The following DNAH11 variants were observed in gnomAD, a reference collection of about 807,000 sequenced individuals.
The protein encoded by DNAH11 is dynein axonemal heavy chain 11.
In DNAH11, 442 loss-of-function variants were observed where a neutral mutation model predicts 526.0. The ratio of observed to expected loss-of-function variants is 0.84; its 90% CI spans 0.78 to 0.91. DNAH11 has a LOEUF of 0.91. Among genes scored for constraint, DNAH11 ranks in the 40% least tolerant of loss-of-function variants. The pLI is 0.00. For missense variants in DNAH11, 6,989 were observed against 5,448.7 expected, an observed-to-expected ratio of 1.28 and a Z score of -8.90; for synonymous variants, 2,461 against 1,935.9, an observed-to-expected ratio of 1.27 and a Z score of -7.12.
Position 21,704,644 on chromosome 7 carries a change from G to A in DNAH11, c.6468+16G>A. The A allele has an allele frequency of 6.3e-7, 1 of 1,581,054 alleles. No homozygotes were observed. Among genetic ancestry groups the A allele is most frequent in the Non-Finnish European group, 8.5e-7 (1 of 1,170,250 alleles). On this transcript the variant is annotated intron_variant, in intron 38 of 81. Coordinates refer to ENST00000409508, the MANE Select transcript of DNAH11 (RefSeq NM_001277115.2). ...CATCCTCAAAGTAAAAGGAGCATTT[G>A]CTTTTCATGGCAGCTGTTGGGATTG...
intron 54 of DNAH11, among the ~76,000 whole-genome samples, chr7:21,762,827 T>C (rs1320078868): frequency 6.6e-6 from 1 of 152,112 alleles, no homozygotes; most frequent in African/African-American, 2.4e-5. Flanking sequence ...TTCTTTGACA[T>C]GACACCAAAA....
At position 21,726,999 on chromosome 7, in the gene DNAH11, T is replaced by C. The variant is rs1289790711; in HGVS notation, c.7440+1015T>C. Among the ~76,000 whole-genome samples the C allele has an allele frequency of 1.5e-4, 17 of 112,712 alleles. 1 individual carries two copies. In the East Asian group the frequency reaches 5.0e-3, roughly 33 times the overall value. 73.9% of individuals were successfully genotyped at this position (112,712 alleles called of 152,430 possible). Reference sequence around the variant, plus strand: ...CCCAGGCTGGAGTGCAGTGGCGCGATCTCGGCTCACCGCAAGATCCACCTC... The same window carrying C: ...CCCAGGCTGGAGTGCAGTGGCGCGACCTCGGCTCACCGCAAGATCCACCTC... On this transcript the variant is annotated intron_variant, in intron 45 of 81. Coordinates refer to ENST00000409508, the MANE Select transcript of DNAH11 (RefSeq NM_001277115.2).
At chr7:21,791,881 T>C (rs1377353372) in intron 61 of DNAH11, among the ~76,000 whole-genome samples, 1 of 152,198 alleles carries the variant, frequency 6.6e-6, no homozygotes, top group Non-Finnish European at 1.5e-5. Context: ...CACATTGCTA[T>C]AAAGAAATAC....
chr7:21,545,274 T>TAAGAAAA (rs1782764073), intron 2 of DNAH11, 125 bp downstream of exon 2: 1 of 120,222 alleles, frequency 8.3e-6, no homozygotes, highest in Non-Finnish European at 1.4e-5. Flanking sequence ...TGGGGGTGGT[T>TAAGAAAA]AAAAAAAAAA....
intron 28 of DNAH11, among the ~76,000 whole-genome samples, chr7:21,640,518 T>TTTTTTTTTTTTTTTTTGAG (rs1787079612): frequency 1.3e-5 from 2 of 151,558 alleles, no homozygotes; most frequent in African/African-American, 4.9e-5. Context: ...CTTTTTCTTT[T>TTTTTTTTTTTTTTTTTGAG]AATCATATTA....
chr7:21,831,760 G>A (rs561096379), intron 65 of DNAH11, among the ~76,000 whole-genome samples: 1 of 152,168 alleles, frequency 6.6e-6, no homozygotes, highest in Non-Finnish European at 1.5e-5. Context: ...TCTTACGGAG[G>A]TTAACTCAGA....
chr7:21,873,344 A>G lies in DNAH11; in HGVS notation c.12038A>G (p.His4013Arg). 3 of 1,613,294 alleles carry G rather than the reference A, an allele frequency of 1.9e-6. No homozygotes were observed. The highest frequency in any genetic ancestry group is 2.5e-6 in the Non-Finnish European group (3 of 1,179,580). ...KLLERFSQGS[H>R]RDYRVFMSAE... is the part of the protein sequence containing the mutation. ...CTTGAAAGATTCAGCCAAGGAAGCC[A>G]CAGAGATTACAGGGTTTTCATGAGT... The change falls in exon 74 of 82, where the codon CAC (histidine) becomes CGC (arginine). Residue 4013 changes from histidine to arginine, a missense_variant. Transcript: ENST00000409508.
At chr7:21,824,383 A>G (rs1790185549) in intron 65 of DNAH11, among the ~76,000 whole-genome samples, 2 of 152,310 alleles carry the variant, frequency 1.3e-5, no homozygotes, top group African/African-American at 2.4e-5. Context: ...TATCAGTTCC[A>G]TAAAGTCTAA....
At chr7:21,570,523 C>T (rs1783845633) in intron 7 of DNAH11, 1 of 411,896 alleles carries the variant, frequency 2.4e-6, no homozygotes, top group African/African-American at 2.1e-5. Context: ...TCCATTATTA[C>T]ATTGAGTATA....
intron 42 of DNAH11, among the ~76,000 whole-genome samples, chr7:21,717,556 G>C (rs1184957768): frequency 6.6e-6 from 1 of 152,064 alleles, no homozygotes; most frequent in African/African-American, 2.4e-5. Context: ...GCTATTAGGA[G>C]TTTCTTTTAC....
At position 21,683,964 on chromosome 7, in the gene DNAH11, G is replaced by T. The variant is rs372643687; in HGVS notation, c.5621+20G>T. ...TGACAGGTAACAATTCAAAGTTTCC[G>T]TCCAGATAGGAAAAACAACCCAAAA... is the stretch of plus-strand genomic sequence containing the variant. On this transcript the variant is annotated intron_variant, in intron 32 of 81. Coordinates refer to ENST00000409508, the MANE Select transcript of DNAH11 (RefSeq NM_001277115.2). 1 of 1,609,806 alleles carries T rather than the reference G, an allele frequency of 6.2e-7. No individual in the cohort carries two copies. Among genetic ancestry groups the T allele is most frequent in the African/African-American group, 1.3e-5 (1 of 74,702 alleles).
rs776116418 is a variant in DNAH11 at position 21,749,694 on chromosome 7, T to C, written c.8690T>C (p.Leu2897Ser). Residue 2897 changes from leucine to serine, a missense_variant, in exon 53 of 82, where the codon TTG (leucine) becomes TCG (serine). Transcript: ENST00000409508. ...IQELRVDLAN[L>S]YIRTGAKNMP... ...TCCTTACAGGTAGATCTTGCCAATT[T>C]GTACATCCGAACTGGAGCCAAGAAC... 6.2e-7 allele frequency: 1 copy of C among 1,613,946 alleles called. No individual in the cohort carries two copies. Among genetic ancestry groups the C allele is most frequent in the East Asian group, 2.2e-5 (1 of 44,868 alleles).
chr7:21,805,833 T>C (rs1789241210), intron 62 of DNAH11, among the ~76,000 whole-genome samples: 1 of 152,226 alleles, frequency 6.6e-6, no homozygotes, highest in Non-Finnish European at 1.5e-5. Flanking sequence ...TGTCAGATCT[T>C]TTTCTTTCAG....
intron 14 of DNAH11, 112 bp from the exon 15 acceptor site, chr7:21,599,675 T>C: frequency 1.3e-6 from 1 of 770,712 alleles, no homozygotes; most frequent in Non-Finnish European, 1.9e-6. Flanking sequence ...AATGTTCCTG[T>C]CTTGTGCACA....
chr7:21,652,874 A>T (rs1232976240), intron 28 of DNAH11, among the ~76,000 whole-genome samples: 2 of 151,776 alleles, frequency 1.3e-5, no homozygotes, highest in African/African-American at 4.8e-5. Flanking sequence ...TTTAATATTT[A>T]TTTATTTATT....
intron 61 of DNAH11, among the ~76,000 whole-genome samples, chr7:21,795,093 T>G (rs10270774): frequency 1.8e-4 from 27 of 151,908 alleles, no homozygotes; most frequent in Non-Finnish European, 3.4e-4. Flanking sequence ...GAAGCCAGAT[T>G]ACTTCCACTC....
chr7:21,742,214 T>A, intron 49 of DNAH11, 48 bp downstream of exon 49: 1 of 1,587,256 alleles, frequency 6.3e-7, no homozygotes. Context: ...GAAATAATGA[T>A]AATACTATGT....
intron 26 of DNAH11, 46 bp downstream of exon 26, chr7:21,636,141 A>C (rs1395757546): frequency 1.3e-6 from 2 of 1,481,550 alleles, no homozygotes; most frequent in Non-Finnish European, 1.8e-6. Flanking sequence ...AGTTTTGTAA[A>C]GTAACATGGT....
At position 21,600,677 on chromosome 7, in the gene DNAH11, A is replaced by G. The variant is rs1468087350; in HGVS notation, c.3002A>G (p.Asn1001Ser). ...GTGCTGTGTTTTCCTCTCATTTAGA[A>G]TGATATGGATAACATGTTAGGCCTG... ...ATHLEIKNYQ[N>S]DMDNMLGLAE... The change falls in exon 16 of 82, where the codon AAT becomes AGT. Residue 1001 changes from asparagine to serine, a missense_variant and splice_region_variant. Coordinates refer to ENST00000409508, the MANE Select transcript of DNAH11 (RefSeq NM_001277115.2). 2.7e-5 allele frequency: 44 copies of G among 1,601,588 alleles called. No individual in the cohort carries two copies. Among genetic ancestry groups the G allele is most frequent in the Non-Finnish European group, 3.7e-5 (43 of 1,172,966 alleles).
Sources: allele counts gnomAD v4.1 joint callset (sites outside exome capture counted in the v4.1 genomes callset), GRCh38; gene constraint gnomAD v4.1.1; transcripts MANE v1.5; gene names NCBI Gene and HGNC (gene_info 2026-07-23, HGNC 2026-07-21).